KCNQ5: variants seen among roughly 807,000 people sequenced by gnomAD.
The protein encoded by KCNQ5 is potassium voltage-gated channel subfamily KQT member 5.
Under a neutral mutation model 98.2 loss-of-function variants are expected in KCNQ5, and 30 were observed. The observed-to-expected ratio is 0.31, with a 90% CI of 0.23 to 0.41. KCNQ5 has a LOEUF of 0.41. Among genes scored for constraint, KCNQ5 ranks in the 10% least tolerant of loss-of-function variants. The probability of loss-of-function intolerance (pLI) is 1.00; values close to 1 mark genes in which losing one functional copy is unlikely to be tolerated. For synonymous variants in KCNQ5, 458 were observed against 449.4 expected (o/e 1.02, Z -0.24); for missense variants, 835 against 1,182.5 (o/e 0.71, Z 4.31).
rs560475346 is a variant in KCNQ5, at chr6:72,767,763, T to C, written c.398+145176T>C. On this transcript the variant is annotated intron_variant, in intron 1 of 13. Transcript: ENST00000370398. ...TTGATACTGTTAGCCATCAGTGAAA[T>C]GCAAAACAAAAGCACAATGAGATAC... is the stretch of plus-strand genomic sequence containing the variant. Among the ~76,000 whole-genome samples the C allele has an allele frequency of 2.0e-5, 3 of 152,016 alleles. No individual in the cohort carries two copies. The South Asian group carries it at 6.2e-4, about 32-fold the overall frequency.
At chr6:73,160,042 C>A (rs1777550463) in intron 10 of KCNQ5, among the ~76,000 whole-genome samples, 4 of 152,198 alleles carry the variant, frequency 2.6e-5, no homozygotes, top group Admixed American at 2.6e-4. Context: ...GAGACAGAGT[C>A]TCGCTCTGTC....
rs577357830 is a variant in KCNQ5, at chr6:73,195,051, A to C, written c.2436A>C (p.Gly812=). Reference sequence around the variant, plus strand: ...TGAGGAAAAGCTTTGACATGGGAGGAGAAACTCTGTTGTCTGTCTGTCCCA... The same window carrying C: ...TGAGGAAAAGCTTTGACATGGGAGGCGAAACTCTGTTGTCTGTCTGTCCCA... ...RSMRKSFDMG[G]ETLLSVCPMV... is the part of the protein sequence containing the mutation. The change falls in exon 14 of 14, where the codon GGA becomes GGC. Residue 812 remains glycine, a synonymous_variant. Transcript: ENST00000370398. The C allele has an allele frequency of 6.2e-7, 1 of 1,614,172 alleles. No homozygotes were observed. Among genetic ancestry groups the C allele is most frequent in the African/African-American group, 1.3e-5 (1 of 75,034 alleles).
chr6:72,634,870 C>T (rs2098923135), intron 1 of KCNQ5, among the ~76,000 whole-genome samples: 1 of 152,018 alleles, frequency 6.6e-6, no homozygotes, highest in Non-Finnish European at 1.5e-5. Context: ...GCCCGGCCTT[C>T]ATTCTTTATT....
chr6:73,181,783 C>A (rs908322624), intron 11 of KCNQ5, among the ~76,000 whole-genome samples: 1 of 152,192 alleles, frequency 6.6e-6, no homozygotes, highest in Admixed American at 6.5e-5. Context: ...AACTGGTTCA[C>A]GTCCTAATTC....
chr6:73,062,224 C>G (rs1206891965), intron 3 of KCNQ5, among the ~76,000 whole-genome samples: 6 of 152,120 alleles, frequency 3.9e-5, no homozygotes, highest in Non-Finnish European at 7.4e-5. Flanking sequence ...AGAAGGCTTC[C>G]CTGGCCTCTT....
At chr6:72,768,804 T>TA (rs1400993849) in intron 1 of KCNQ5, among the ~76,000 whole-genome samples, 4 of 152,054 alleles carry the variant, frequency 2.6e-5, no homozygotes, top group Admixed American at 2.6e-4. Context: ...ATTTTCATTG[T>TA]AAAAAAATTT....
chr6:73,115,844 C>T (rs984781366), intron 7 of KCNQ5, among the ~76,000 whole-genome samples: 3 of 152,192 alleles, frequency 2.0e-5, no homozygotes, highest in Non-Finnish European at 2.9e-5. Flanking sequence ...CAAGAGATTC[C>T]GCACAGGAAA....
chr6:72,850,371 C>A (rs1041069213), intron 1 of KCNQ5, among the ~76,000 whole-genome samples: 1 of 152,142 alleles, frequency 6.6e-6, no homozygotes, highest in Non-Finnish European at 1.5e-5. Flanking sequence ...AGTCGGCTTT[C>A]TATGTAAAAG....
At chr6:72,739,287 G>A (rs1014324442) in intron 1 of KCNQ5, among the ~76,000 whole-genome samples, 1 of 152,132 alleles carries the variant, frequency 6.6e-6, no homozygotes, top group Non-Finnish European at 1.5e-5. Flanking sequence ...TATAATTGTG[G>A]GGGAATTATA....
intron 1 of KCNQ5, among the ~76,000 whole-genome samples, chr6:72,798,562 T>TC (rs1208944968): frequency 2.0e-5 from 3 of 152,162 alleles, no homozygotes; most frequent in Non-Finnish European, 4.4e-5. Flanking sequence ...CCCTTGGACT[T>TC]CCCAGCCTCC....
chr6:73,186,833 G>A (rs1778586675), intron 11 of KCNQ5, among the ~76,000 whole-genome samples: 2 of 151,898 alleles, frequency 1.3e-5, no homozygotes, highest in East Asian at 3.9e-4. Flanking sequence ...GGGTACATGT[G>A]CACAATGTAC....
chr6:73,021,792 C>T (rs1770617732), intron 2 of KCNQ5, among the ~76,000 whole-genome samples: 1 of 152,126 alleles, frequency 6.6e-6, no homozygotes, highest in South Asian at 2.1e-4. Context: ...ATTCCAAAAA[C>T]AATTTTTCAC....
At chr6:72,757,377 G>A (rs1453394533) in intron 1 of KCNQ5, among the ~76,000 whole-genome samples, 1 of 152,140 alleles carries the variant, frequency 6.6e-6, no homozygotes, top group East Asian at 1.9e-4. Flanking sequence ...CTCCATTTAT[G>A]ATGGGGTTAT....
chr6:72,768,416 AC>A (rs1422424605), intron 1 of KCNQ5, among the ~76,000 whole-genome samples: 1 of 152,060 alleles, frequency 6.6e-6, no homozygotes. Flanking sequence ...TGCTTTGAAG[AC>A]AAACAGAATA....
chr6:73,033,112 A>G (rs950109014), intron 2 of KCNQ5, among the ~76,000 whole-genome samples: 1 of 152,142 alleles, frequency 6.6e-6, no homozygotes, highest in Non-Finnish European at 1.5e-5. Context: ...TGGCATCCCA[A>G]CTAGTAACTG....
At chr6:72,665,446 T>C (rs1415410774) in intron 1 of KCNQ5, among the ~76,000 whole-genome samples, 1 of 152,100 alleles carries the variant, frequency 6.6e-6, no homozygotes, top group African/African-American at 2.4e-5. Flanking sequence ...CTAAATCTAT[T>C]GTCATCATTT....
chr6:73,141,207 G>T (rs937046975), intron 10 of KCNQ5, among the ~76,000 whole-genome samples: 2 of 152,300 alleles, frequency 1.3e-5, no homozygotes, highest in African/African-American at 4.8e-5. Flanking sequence ...AAAGGGCGAG[G>T]TTCCTCTTGG....
chr6:72,838,269 C>T (rs1009496158), intron 1 of KCNQ5, among the ~76,000 whole-genome samples: 4 of 152,014 alleles, frequency 2.6e-5, no homozygotes, highest in Non-Finnish European at 5.9e-5. Flanking sequence ...ACTTCCTTTG[C>T]TTCTTGTGCA....
intron 1 of KCNQ5, among the ~76,000 whole-genome samples, chr6:72,867,822 C>G (rs1298833739): frequency 6.6e-6 from 1 of 151,890 alleles, no homozygotes; most frequent in African/African-American, 2.4e-5. Context: ...GTGGTCCTAG[C>G]TACTGGGAAG....
Sources: gnomAD v4.1 joint callset for allele counts (sites outside exome capture counted in the v4.1 genomes callset) on GRCh38, gnomAD v4.1.1 for gene constraint, MANE v1.5 for transcripts, NCBI Gene and HGNC (gene_info 2026-07-23, HGNC 2026-07-21) for gene names.